Variants in SSH2 observed in about 807,000 individuals in gnomAD.
SSH2 encodes the protein protein phosphatase Slingshot homolog 2.
SSH2 carries 37 observed loss-of-function variants against 135.2 expected under a neutral mutation model. That is an observed-to-expected ratio of 0.27 (90% CI 0.21 to 0.36). The LOEUF is 0.36. Among genes scored for constraint, SSH2 ranks in the 10% least tolerant of loss-of-function variants. The probability of loss-of-function intolerance (pLI) is 1.00; values close to 1 mark genes in which losing one functional copy is unlikely to be tolerated. For missense variants in SSH2, 1,408 were observed against 1,765.3 expected (o/e 0.80, Z 3.63); for synonymous variants, 628 against 646.2 (o/e 0.97, Z 0.43).
chr17:29,919,219 G>C (rs1478770851), intron 1 of SSH2, among the ~76,000 whole-genome samples: 1 of 151,970 alleles, frequency 6.6e-6, no homozygotes, highest in Non-Finnish European at 1.5e-5. Flanking sequence ...ATATGTCTCA[G>C]ACACAAAAAA....
chr17:29,838,452 T>A (rs971165455), intron 2 of SSH2, among the ~76,000 whole-genome samples: 1 of 152,218 alleles, frequency 6.6e-6, no homozygotes, highest in Non-Finnish European at 1.5e-5. Flanking sequence ...ACGAAGGACC[T>A]GAAGCATGGA....
At chr17:29,886,853 T>G (rs2066248931) in intron 1 of SSH2, among the ~76,000 whole-genome samples, 1 of 151,972 alleles carries the variant, frequency 6.6e-6, no homozygotes, top group Non-Finnish European at 1.5e-5. Flanking sequence ...GTTGCATAAG[T>G]AACAAGGGGC....
chr17:29,639,233 CCACA>C (rs2036045524), intron 14 of SSH2, among the ~76,000 whole-genome samples: 2 of 152,176 alleles, frequency 1.3e-5, no homozygotes, highest in South Asian at 4.1e-4. Flanking sequence ...TCATTTCAAA[CCACA>C]CACTCTTAAA....
chr17:29,858,815 T>C (rs1439229937), intron 1 of SSH2, among the ~76,000 whole-genome samples: 2 of 152,052 alleles, frequency 1.3e-5, no homozygotes, highest in African/African-American at 4.8e-5. Flanking sequence ...AAGTTTACAG[T>C]GAGCTATGAT....
intron 1 of SSH2, among the ~76,000 whole-genome samples, chr17:29,890,570 G>C (rs762418413): frequency 4.6e-5 from 7 of 152,144 alleles, no homozygotes; most frequent in African/African-American, 7.2e-5. Flanking sequence ...TCATAGGCCA[G>C]TCCAGAATAG....
intron 3 of SSH2, among the ~76,000 whole-genome samples, chr17:29,782,157 T>C (rs981595772): frequency 2.0e-5 from 3 of 152,164 alleles, no homozygotes; most frequent in African/African-American, 7.2e-5. Flanking sequence ...ATGTTTTCTT[T>C]TAACTGCCTT....
rs374649624 is a variant in SSH2, at chr17:29,749,081, A to G, written c.188+44813T>C. Among the ~76,000 whole-genome samples the G allele has an allele frequency of 1.6e-4, 24 of 152,342 alleles. No homozygotes were observed. The East Asian group carries it at 4.0e-3, about 26-fold the overall frequency. ...TAAAATTCAACTATACCTAACTGAA[A>G]AATCTTTGTAAATTAGCAATAGTAA... On this transcript the variant is annotated intron_variant, in intron 3 of 15. Coordinates refer to ENST00000540801, the MANE Select transcript of SSH2 (RefSeq NM_001282129.2).
chr17:29,856,505 G>T (rs895482823), intron 1 of SSH2, among the ~76,000 whole-genome samples: 5 of 152,172 alleles, frequency 3.3e-5, no homozygotes, highest in Admixed American at 2.0e-4. Flanking sequence ...AGCCCAGGAG[G>T]TTGAGGCTGC....
intron 3 of SSH2, among the ~76,000 whole-genome samples, chr17:29,755,284 T>C (rs545658722): frequency 1.3e-5 from 2 of 152,340 alleles, no homozygotes; most frequent in Admixed American, 1.3e-4. Flanking sequence ...TCTGAGTTGC[T>C]CATATATATT....
At chr17:29,782,833 G>A (rs2041869591) in intron 3 of SSH2, among the ~76,000 whole-genome samples, 1 of 152,150 alleles carries the variant, frequency 6.6e-6, no homozygotes, top group Non-Finnish European at 1.5e-5. Flanking sequence ...TGATCTGCCC[G>A]CCTTGGCCTC....
chr17:29,648,073 CA>C, intron 14 of SSH2, 70 bp downstream of exon 14: 1 of 1,390,552 alleles, frequency 7.2e-7, no homozygotes, highest in Non-Finnish European at 1.0e-6. Flanking sequence ...GAAGTAGCTA[CA>C]GAGAAGGACA....
intron 3 of SSH2, among the ~76,000 whole-genome samples, chr17:29,722,589 A>G (rs1466623824): frequency 6.6e-6 from 1 of 152,262 alleles, no homozygotes. Flanking sequence ...GCAAAAAGCT[A>G]TGCACGGGAA....
chr17:29,924,869 T>G (rs2067037214), intron 1 of SSH2, among the ~76,000 whole-genome samples: 1 of 152,228 alleles, frequency 6.6e-6, no homozygotes, highest in South Asian at 2.1e-4. Context: ...GATGATTCTG[T>G]TCTAGGTAGT....
At chr17:29,638,545 C>T (rs1032188529) in intron 14 of SSH2, among the ~76,000 whole-genome samples, 1 of 150,896 alleles carries the variant, frequency 6.6e-6, no homozygotes, top group African/African-American at 2.4e-5. Context: ...CACACACACA[C>T]ACACACACAC....
intron 3 of SSH2, among the ~76,000 whole-genome samples, chr17:29,719,580 CACCT>C (rs1184735476): frequency 6.6e-6 from 1 of 151,658 alleles, no homozygotes; most frequent in South Asian, 2.1e-4. Flanking sequence ...ATTGAGTACC[CACCT>C]GTGTTAGGCA....
At chr17:29,670,376 T>G (rs1049129079) in intron 9 of SSH2, among the ~76,000 whole-genome samples, 4 of 152,188 alleles carry the variant, frequency 2.6e-5, no homozygotes. Flanking sequence ...CTGTGAGATC[T>G]TGAAAAGACC....
At chr17:29,888,931 CAAAAAAAAA>C (rs1175371440) in intron 1 of SSH2, among the ~76,000 whole-genome samples, 5 of 42,082 alleles carry the variant, frequency 1.2e-4, no homozygotes, top group Admixed American at 3.4e-4. Context: ...GACACTATCT[CAAAAAAAAA>C]AAAAAAAAAA....
At chr17:29,859,494 G>A (rs937592040) in intron 1 of SSH2, among the ~76,000 whole-genome samples, 2 of 152,010 alleles carry the variant, frequency 1.3e-5, no homozygotes, top group Non-Finnish European at 2.9e-5. Context: ...TCCCCTCTAT[G>A]TGTCCATGTG....
chr17:29,884,819 T>C (rs1011946165), intron 1 of SSH2, among the ~76,000 whole-genome samples: 4 of 152,180 alleles, frequency 2.6e-5, no homozygotes, highest in African/African-American at 9.7e-5. Flanking sequence ...ACAACTGCCT[T>C]AGTTTGAGTC....
Sources: allele counts gnomAD v4.1 joint callset (sites outside exome capture counted in the v4.1 genomes callset), GRCh38; gene constraint gnomAD v4.1.1; transcripts MANE v1.5; gene names NCBI Gene and HGNC (gene_info 2026-07-23, HGNC 2026-07-21).